Variants in GALNTL5 observed in about 807,000 individuals in gnomAD.
GALNTL5 encodes the protein polypeptide N-acetylgalactosaminyltransferase like 5, also known as inactive polypeptide N-acetylgalactosaminyltransferase-like protein 5.
GALNTL5 carries 44 observed loss-of-function variants against 51.0 expected under a neutral mutation model. The ratio of observed to expected loss-of-function variants is 0.86; its 90% CI spans 0.68 to 1.11. GALNTL5 has a LOEUF of 1.11. Ranked by LOEUF, GALNTL5 falls within the 50% of genes least tolerant of loss-of-function variation. The probability of loss-of-function intolerance (pLI) is 0.00; values close to 1 mark genes in which losing one functional copy is unlikely to be tolerated. For synonymous variants in GALNTL5, 192 were observed against 182.8 expected (o/e 1.05, Z -0.41); for missense variants, 528 against 531.8 (o/e 0.99, Z 0.07).
chr7:152,004,896 T>C (rs1307961119), intron 6 of GALNTL5, among the ~76,000 whole-genome samples: 1 of 152,234 alleles, frequency 6.6e-6, no homozygotes, highest in East Asian at 1.9e-4. Context: ...CAGTTGTGAA[T>C]AGTGCTGTGA....
chr7:152,017,401 G>A lies in GALNTL5; in HGVS notation c.1177-2245G>A, dbSNP rs766248243. Among the ~76,000 whole-genome samples, 6 of 152,182 alleles carry A rather than the reference G, an allele frequency of 3.9e-5. No homozygotes were observed. In the South Asian group the frequency reaches 6.2e-4, roughly 16 times the overall value. On this transcript the variant is annotated intron_variant, in intron 8 of 8. Transcript: ENST00000392800. Reference sequence around the variant, plus strand: ...ACTACCATTATGTACATGGTCAGGCGTTGACTGAAACTTCATCACGTGGTA... The same window carrying A: ...ACTACCATTATGTACATGGTCAGGCATTGACTGAAACTTCATCACGTGGTA...
At chr7:151,981,231 A>G (rs936722889) in intron 3 of GALNTL5, among the ~76,000 whole-genome samples, 5 of 152,270 alleles carry the variant, frequency 3.3e-5, no homozygotes, top group African/African-American at 1.2e-4. Context: ...CACATTTCCC[A>G]CTAAAGAAGT....
intron 3 of GALNTL5, among the ~76,000 whole-genome samples, chr7:151,980,870 C>T (rs916928233): frequency 6.8e-6 from 1 of 147,030 alleles, no homozygotes; most frequent in African/African-American, 2.6e-5. Context: ...CTCAGCCTCC[C>T]AAGTAGCTGG....
Position 152,019,629 on chromosome 7 carries a change from T to G in GALNTL5, c.1177-17T>G. Reference sequence around the variant, plus strand: ...TGTTTGGTTGAACGTAACGACTGACTCTATATTTTCATTTAGGAGCAGTTT... The same window carrying G: ...TGTTTGGTTGAACGTAACGACTGACGCTATATTTTCATTTAGGAGCAGTTT... On this transcript the variant is annotated splice_polypyrimidine_tract_variant and intron_variant, in intron 8 of 8. Transcript: ENST00000392800. 6.2e-7 allele frequency: 1 copy of G among 1,605,736 alleles called. No individual in the cohort carries two copies. Among genetic ancestry groups the G allele is most frequent in the Non-Finnish European group, 8.5e-7 (1 of 1,173,796 alleles).
intron 5 of GALNTL5, among the ~76,000 whole-genome samples, chr7:151,998,082 C>G (rs1250290753): frequency 6.6e-6 from 1 of 151,910 alleles, no homozygotes; most frequent in African/African-American, 2.4e-5. Context: ...TTGGTGCACA[C>G]CTGTAGTCCT....
chr7:152,015,312 C>T (rs928750897), intron 8 of GALNTL5, among the ~76,000 whole-genome samples: 9 of 151,854 alleles, frequency 5.9e-5, no homozygotes, highest in Non-Finnish European at 1.0e-4. Flanking sequence ...GGAATTGTCC[C>T]ACACCTGAAG....
At chr7:151,982,479 T>C (rs1179719823) in intron 3 of GALNTL5, among the ~76,000 whole-genome samples, 1 of 152,130 alleles carries the variant, frequency 6.6e-6, no homozygotes, top group Non-Finnish European at 1.5e-5. Flanking sequence ...GAAATCCAAT[T>C]AGACCATATC....
chr7:151,957,504 G>A (rs181487214), intron 1 of GALNTL5, among the ~76,000 whole-genome samples: 2 of 150,660 alleles, frequency 1.3e-5, no homozygotes, highest in East Asian at 1.9e-4. Flanking sequence ...AGCTGTAATT[G>A]GGCCACTGCA....
intron 3 of GALNTL5, among the ~76,000 whole-genome samples, chr7:151,980,409 C>G (rs1387883356): frequency 6.6e-6 from 1 of 152,164 alleles, no homozygotes; most frequent in African/African-American, 2.4e-5. Context: ...TGTTTCTGCA[C>G]AGCCGCGTTT....
Position 152,019,906 on chromosome 7 carries a change from T to A in GALNTL5, c.*105T>A. The A allele has an allele frequency of 1.0e-6, 1 of 986,794 alleles. No individual in the cohort carries two copies. 61.1% of individuals were successfully genotyped at this position (986,794 alleles called of 1,614,324 possible). On this transcript the variant is annotated 3_prime_UTR_variant, in exon 9 of 9. Transcript: ENST00000392800. ...TGGAACATCGTGGAATTACGTGAAA[T>A]GCAATTAAAAAAATATGACCAGACG...
intron 6 of GALNTL5, 109 bp downstream of exon 6, chr7:152,003,072 T>C: frequency 2.2e-6 from 2 of 927,300 alleles, no homozygotes; most frequent in Non-Finnish European, 3.3e-6. Flanking sequence ...ATCAAAATGT[T>C]ATGTTACTTG....
chr7:151,988,220 G>A (rs2081385078), intron 5 of GALNTL5, among the ~76,000 whole-genome samples: 1 of 152,186 alleles, frequency 6.6e-6, no homozygotes, highest in South Asian at 2.1e-4. Flanking sequence ...GCTGGCCAAG[G>A]GCAGTTTCTG....
intron 7 of GALNTL5, 68 bp downstream of exon 7, chr7:152,008,012 T>C: frequency 3.5e-6 from 3 of 859,452 alleles, no homozygotes; most frequent in Non-Finnish European, 5.8e-6. Context: ...TACAATGCTG[T>C]GGTAATTATG....
intron 7 of GALNTL5, among the ~76,000 whole-genome samples, chr7:152,011,168 C>A (rs2081733322): frequency 6.6e-6 from 1 of 152,206 alleles, no homozygotes; most frequent in Admixed American, 6.5e-5. Flanking sequence ...GGTCTTGAGA[C>A]CCCACCAGCT....
At chr7:151,996,571 T>G (rs1401921478) in intron 5 of GALNTL5, among the ~76,000 whole-genome samples, 1 of 152,100 alleles carries the variant, frequency 6.6e-6, no homozygotes, top group Non-Finnish European at 1.5e-5. Flanking sequence ...AAGACCTCAT[T>G]TCTACAGAAA....
At chr7:152,001,447 G>A (rs979903974) in intron 5 of GALNTL5, among the ~76,000 whole-genome samples, 1 of 152,068 alleles carries the variant, frequency 6.6e-6, no homozygotes, top group African/African-American at 2.4e-5. Flanking sequence ...TATGATATGA[G>A]GTAGGGGTCT....
At chr7:152,010,268 A>G (rs765866261) in intron 7 of GALNTL5, among the ~76,000 whole-genome samples, 8 of 151,954 alleles carry the variant, frequency 5.3e-5, no homozygotes, top group African/African-American at 9.7e-5. Context: ...ATGCACCACA[A>G]CACCTGGCTA....
chr7:151,969,102 C>T (rs541097234), intron 2 of GALNTL5, among the ~76,000 whole-genome samples: 14 of 152,240 alleles, frequency 9.2e-5, no homozygotes, highest in African/African-American at 2.9e-4. Context: ...TCAAAAAGCA[C>T]AATTTTACAT....
At chr7:151,959,133 C>A (rs2080961730) in intron 1 of GALNTL5, among the ~76,000 whole-genome samples, 1 of 152,164 alleles carries the variant, frequency 6.6e-6, no homozygotes, top group Non-Finnish European at 1.5e-5. Flanking sequence ...TGGGGACCTG[C>A]CCCTCTCTGC....
Sources: gnomAD v4.1 joint callset for allele counts (sites outside exome capture counted in the v4.1 genomes callset) on GRCh38, gnomAD v4.1.1 for gene constraint, MANE v1.5 for transcripts, NCBI Gene and HGNC (gene_info 2026-07-23, HGNC 2026-07-21) for gene names.